The following GPR161 variants were observed in gnomAD, a reference collection of about 807,000 sequenced individuals.
The protein encoded by GPR161 is G-protein coupled receptor RE2.
A neutral mutation model predicts 39.2 loss-of-function variants in GPR161; 25 were observed. That is an observed-to-expected ratio of 0.64 (90% CI 0.47 to 0.89). The LOEUF (loss-of-function observed/expected upper bound fraction) is 0.89, where lower values mean the gene tolerates loss of function less well. Among genes scored for constraint, GPR161 ranks in the 40% least tolerant of loss-of-function variants. The probability of loss-of-function intolerance (pLI) is 0.00; values close to 1 mark genes in which losing one functional copy is unlikely to be tolerated. For synonymous variants in GPR161, 286 were observed against 276.6 expected (o/e 1.03, Z -0.34); for missense variants, 547 against 677.8 (o/e 0.81, Z 2.14).
chr1:168,104,882 G>C lies in GPR161; in HGVS notation c.-32C>G, dbSNP rs769057974. On this transcript the variant is annotated 5_prime_UTR_variant, in exon 2 of 6. Coordinates refer to ENST00000682931, the MANE Select transcript of GPR161 (RefSeq NM_001375883.1). ...TGCACCTCGGCGTGGGGTGGGCAGA[G>C]CATGCTGGACGACTGGAAAGATAAG... 2 of 1,607,390 alleles carry C rather than the reference G, an allele frequency of 1.2e-6. No individual in the cohort carries two copies. Among genetic ancestry groups the C allele is most frequent in the African/African-American group, 2.7e-5 (2 of 74,778 alleles).
At chr1:168,097,300 G>T (rs1178542261) in intron 2 of GPR161, 68 bp from the exon 3 acceptor site, 2 of 1,510,450 alleles carry the variant, frequency 1.3e-6, no homozygotes, top group Non-Finnish European at 1.8e-6. Context: ...GCCTTCCTGC[G>T]TCAGGGGCTC....
At position 168,085,419 on chromosome 1, in the gene GPR161, G is replaced by C; in HGVS notation, c.*112C>G. The C allele has an allele frequency of 1.0e-6, 1 of 972,450 alleles. No individual in the cohort carries two copies. Among genetic ancestry groups the C allele is most frequent in the Non-Finnish European group, 1.6e-6 (1 of 641,090 alleles). 60.2% of individuals were successfully genotyped at this position (972,450 alleles called of 1,614,324 possible). ...ATACCAGATGCTGCTCCTTCCCTGT[G>C]TGTGGCCAGCTGTACACAGTGACAT... is the stretch of plus-strand genomic sequence containing the variant. On this transcript the variant is annotated 3_prime_UTR_variant, in exon 6 of 6. Coordinates refer to ENST00000682931, the MANE Select transcript of GPR161 (RefSeq NM_001375883.1).
At chr1:168,090,720 C>A in intron 3 of GPR161, 52 bp from the exon 4 acceptor site, 5 of 976,524 alleles carry the variant, frequency 5.1e-6, no homozygotes, top group Middle Eastern at 2.1e-4. Flanking sequence ...CAAGGAGGGG[C>A]CCCAGCCTCC....
chr1:168,104,656 G>A lies in GPR161; in HGVS notation c.195C>T (p.Phe65=), dbSNP rs781674595. The change falls in exon 2 of 6, where the codon TTC becomes TTT. Residue 65 remains phenylalanine (F), a synonymous_variant. Transcript: ENST00000682931. The part of the protein sequence containing the change: ...KSYLLTLSNK[F]VFSLTLSNFL... ...AGTTGGACAGAGTCAGGCTGAAGAC[G>A]AACTTGTTGCTGAGGGTGAGGAGGT... 6.8e-5 allele frequency: 110 copies of A among 1,613,894 alleles called. No individual in the cohort carries two copies. Among genetic ancestry groups the A allele is most frequent in the Non-Finnish European group, 8.9e-5 (105 of 1,179,894 alleles).
rs888744115 is a variant in GPR161 at position 168,097,106 on chromosome 1, T to C, written c.501A>G (p.Ser167=). The change falls in exon 3 of 6, where the codon TCA becomes TCG. Residue 167 remains serine (S), a synonymous_variant. Transcript: ENST00000682931. ...IGCLPPLFGW[S]SVEFDEFKWM... Reference sequence around the variant, plus strand: ...ATTTGAACTCGTCAAACTCCACGGATGACCAACCAAACAGGGGTGGCAGGC... The same window carrying C: ...ATTTGAACTCGTCAAACTCCACGGACGACCAACCAAACAGGGGTGGCAGGC... 8.1e-6 allele frequency: 13 copies of C among 1,613,852 alleles called. No individual in the cohort carries two copies. The South Asian group carries it at 8.8e-5, about 11-fold the overall frequency.
At chr1:168,106,014 G>A (rs1350810872) in intron 1 of GPR161, among the ~76,000 whole-genome samples, 2 of 152,122 alleles carry the variant, frequency 1.3e-5, no homozygotes, top group Non-Finnish European at 2.9e-5. Flanking sequence ...TTGGCCAGAG[G>A]GAGTGCATGG....
chr1:168,132,662 G>C (rs1699089525), intron 1 of GPR161, among the ~76,000 whole-genome samples: 1 of 152,030 alleles, frequency 6.6e-6, no homozygotes, highest in African/African-American at 2.4e-5. Flanking sequence ...ATGTAGAACA[G>C]AGCATATAAT....
Position 168,081,644 on chromosome 1 carries a change from A to G in GPR161, c.*3887T>C, listed in dbSNP as rs1053412028. ...ACTCATAAGTAGTGACTTGTTTGAA[A>G]ACACCCATGTAATTGGAAGCACGGG... On this transcript the variant is annotated 3_prime_UTR_variant, in exon 6 of 6. Transcript: ENST00000682931. 6.6e-6 allele frequency: 1 copy of G among 152,254 alleles called. No individual in the cohort carries two copies. The highest frequency in any genetic ancestry group is 1.5e-5 in the Non-Finnish European group (1 of 68,060). The allele number at this position is 152,254 out of a possible 1,614,324, so 9.4% of individuals were successfully genotyped here. A position where few individuals can be genotyped will look rare whatever the true frequency, so the allele number is the denominator to read the frequency against.
At chr1:168,132,774 C>T (rs568072797) in intron 1 of GPR161, among the ~76,000 whole-genome samples, 4 of 152,062 alleles carry the variant, frequency 2.6e-5, no homozygotes, top group African/African-American at 9.6e-5. Flanking sequence ...GATGGAGTTT[C>T]GCTCTTGTTG....
chr1:168,084,551 T>A lies in GPR161; in HGVS notation c.*980A>T, dbSNP rs529990764. The A allele has an allele frequency of 1.1e-4, 37 of 350,790 alleles. No homozygotes were observed. The highest frequency in any genetic ancestry group is 7.7e-4 in the African/African-American group (36 of 46,688). The allele number at this position is 350,790 out of a possible 1,614,324, so 21.7% of individuals were successfully genotyped here. ...TGCTTCTATCTTATTTATACCAGGC[T>A]TGTGATAATAGTAACTGTTGCTCTT... On this transcript the variant is annotated 3_prime_UTR_variant, in exon 6 of 6. Coordinates refer to ENST00000682931, the MANE Select transcript of GPR161 (RefSeq NM_001375883.1).
chr1:168,123,517 G>A (rs563621440), intron 1 of GPR161, among the ~76,000 whole-genome samples: 1 of 140,716 alleles, frequency 7.1e-6, no homozygotes, highest in South Asian at 2.3e-4. Context: ...TATAGATATA[G>A]ATATAGATAT....
chr1:168,085,507 C>A lies in GPR161; in HGVS notation c.*24G>T. On this transcript the variant is annotated 3_prime_UTR_variant, in exon 6 of 6. Transcript: ENST00000682931. ...CTCCCCGGGCCAGCCTCTCAGGCTG[C>A]AGCCCCACGGCACCCTGAGGCCCTC... 1 of 1,594,800 alleles carries A rather than the reference C, an allele frequency of 6.3e-7. No individual in the cohort carries two copies.
In GPR161 at chr1:168,085,553, A is replaced by G; in HGVS notation, c.1568T>C (p.Val523Ala). Reference protein sequence around the residue: ...LQLQSIEEGDVLAAEQR With the variant: ...LQLQSIEEGDALAAEQR ...CCCTCATCTCTGCTCGGCAGCTAAA[A>G]CATCTCCTTCTTCGATGCTCTGCAA... The change falls in exon 6 of 6, where the codon GTT (valine) becomes GCT (alanine). Residue 523 changes from valine to alanine, a missense_variant. Physicochemically the swap from Val to Ala is moderately conservative, Grantham distance 64. Coordinates refer to ENST00000682931, the MANE Select transcript of GPR161 (RefSeq NM_001375883.1). 6.2e-7 allele frequency: 1 copy of G among 1,613,416 alleles called. No individual in the cohort carries two copies. The highest frequency in any genetic ancestry group is 8.5e-7 in the Non-Finnish European group (1 of 1,179,658).
intron 2 of GPR161, among the ~76,000 whole-genome samples, chr1:168,099,845 G>T (rs1381256980): frequency 2.8e-5 from 4 of 144,896 alleles, no homozygotes; most frequent in Non-Finnish European, 4.6e-5. Flanking sequence ...TTGGGGGGGG[G>T]GGGTTGGTGT....
At chr1:168,136,032 A>G in intron 1 of GPR161, 1 of 1,238,680 alleles carries the variant, frequency 8.1e-7, no homozygotes, top group East Asian at 3.2e-5. Flanking sequence ...CTCATCCCAT[A>G]TGCCTTTGTC....
intron 1 of GPR161, among the ~76,000 whole-genome samples, chr1:168,108,262 AT>A (rs146353991): frequency 5.9e-4 from 89 of 152,128 alleles, no homozygotes; most frequent in African/African-American, 2.1e-3. Flanking sequence ...GCTGTCCTCC[AT>A]GAGGGATCTA....
At chr1:168,124,765 G>C (rs2102243795) in intron 1 of GPR161, among the ~76,000 whole-genome samples, 1 of 152,280 alleles carries the variant, frequency 6.6e-6, no homozygotes, top group African/African-American at 2.4e-5. Flanking sequence ...GGGTCATGGG[G>C]GCAGGCTTGG....
Position 168,132,181 on chromosome 1 carries a change from C to T in GPR161, c.-45+4558G>A, listed in dbSNP as rs550536348. 3.3e-5 allele frequency among the ~76,000 whole-genome samples: 5 copies of T among 152,264 alleles called. No individual in the cohort carries two copies. The South Asian group carries it at 1.0e-3, about 32-fold the overall frequency. The stretch of plus-strand genomic sequence containing the variant: ...GTGGGAGGCTGAGGCAGGAGAATCA[C>T]TTGAACCCAGGAGGTGGATGTTGCA... On this transcript the variant is annotated intron_variant, in intron 1 of 5. Transcript: ENST00000682931.
chr1:168,135,548 A>G (rs1235235083), intron 1 of GPR161, among the ~76,000 whole-genome samples: 1 of 152,172 alleles, frequency 6.6e-6, no homozygotes, highest in Non-Finnish European at 1.5e-5. Flanking sequence ...GGCCTGAAAA[A>G]TGCCTCTCTT....
Sources: gnomAD v4.1 joint callset for allele counts (sites outside exome capture counted in the v4.1 genomes callset) on GRCh38, gnomAD v4.1.1 for gene constraint, MANE v1.5 for transcripts, NCBI Gene and HGNC (gene_info 2026-07-23, HGNC 2026-07-21) for gene names.